The following IGSF1 variants were observed in gnomAD, a reference collection of about 807,000 sequenced individuals.
IGSF1 encodes immunoglobulin superfamily member 1, also known as immunoglobulin-like domain-containing protein 1.
IGSF1 carries 40 observed loss-of-function variants against 95.3 expected under a neutral mutation model. The ratio of observed to expected loss-of-function variants is 0.42; its 90% confidence interval spans 0.33 to 0.55. IGSF1 has a LOEUF of 0.55. IGSF1 is among the 20% of genes least tolerant of loss of function. The pLI is 0.10. For missense variants in IGSF1, 906 were observed against 1,025.4 expected (o/e 0.88, Z 1.59); for synonymous variants, 372 against 382.9 (o/e 0.97, Z 0.33).
chrX:131,275,012 C>G lies in IGSF1; in HGVS notation c.3459G>C (p.Glu1153Asp), dbSNP rs774949449. 3.3e-6 allele frequency: 4 copies of G among 1,209,942 alleles called. No individual in the cohort carries two copies. Among genetic ancestry groups the G allele is most frequent in the Non-Finnish European group, 4.5e-6 (4 of 894,943 alleles). Residue 1153 changes from glutamate (E) to aspartate (D), a missense_variant, in exon 17 of 20, where the codon GAG becomes GAC. This residue lies in a region of IGSF1 where 411 missense variants were observed against 494.9 expected (regional missense o/e 0.83). Transcript: ENST00000361420. ...FAASNHSDSL[E>D]IWVTDKPPKP... ...CCAGGACCTTACCAGTCACCCAGAT[C>G]TCCAGGGAGTCACTGTGATTTGAAG...
In IGSF1 at chrX:131,285,908, T is replaced by A; in HGVS notation, c.238A>T (p.Ile80Phe). Residue 80 changes from isoleucine to phenylalanine, a missense_variant, in exon 4 of 20, where the codon ATC (isoleucine) becomes TTC (phenylalanine). By Grantham distance (21) the Ile-to-Phe change is conservative (BLOSUM62 0). This residue lies in a region of IGSF1 where 442 missense variants were observed against 448.1 expected (regional missense o/e 0.99). Transcript: ENST00000361420. ...TGGAAGGTCTTGTGGGAAGGGCGGATCCAGGTCATCTGTGTCTTATCCTTC... is the reference window on the plus strand; with the variant it reads ...TGGAAGGTCTTGTGGGAAGGGCGGAACCAGGTCATCTGTGTCTTATCCTTC... ...LLKDKTQMTW[I>F]RPSHKTFQVS... 1.7e-6 allele frequency: 2 copies of A among 1,211,562 alleles called. No individual in the cohort carries two copies. The highest frequency in any genetic ancestry group is 2.2e-6 in the Non-Finnish European group (2 of 895,445).
chrX:131,289,184 TG>T, intron 1 of IGSF1, 29 bp downstream of exon 1: 1 of 375,394 alleles, frequency 2.7e-6, no homozygotes, highest in Non-Finnish European at 5.2e-6. Context: ...ATTCAGCCAC[TG>T]AACTATGCGC....
At position 131,282,440 on chromosome X, in the gene IGSF1, T is replaced by C; in HGVS notation, c.1246+4A>G. 1 of 1,194,504 alleles carries C rather than the reference T, an allele frequency of 8.4e-7. No individual in the cohort carries two copies. On this transcript the variant is annotated splice_donor_region_variant and intron_variant, in intron 7 of 19. Coordinates refer to ENST00000361420, the MANE Select transcript of IGSF1 (RefSeq NM_001555.5). The stretch of plus-strand genomic sequence containing the variant: ...TGATAATAAAAACAGTTGTTAACAC[T>C]TGCCTACAACCATAAGCTCCACAGT...
intron 3 of IGSF1, among the ~76,000 whole-genome samples, 192 bp downstream of exon 3, chrX:131,286,245 A>T (rs372537079): frequency 9.0e-6 from 1 of 111,229 alleles, no homozygotes; most frequent in South Asian, 3.9e-4. Flanking sequence ...GAATTGGAGA[A>T]TAAAGTCTGA....
rs140525583 is a variant in IGSF1 at position 131,287,592 on chromosome X, G to A, written c.-67-851C>T. ...TACATAAGGTCTAAATGATTCTTTC[G>A]TTGCCCTTAACTTCTAAACAGTTTT... On this transcript the variant is annotated intron_variant, in intron 1 of 19. Coordinates refer to ENST00000361420, the MANE Select transcript of IGSF1 (RefSeq NM_001555.5). Among the ~76,000 whole-genome samples the A allele has an allele frequency of 3.6e-5, 4 of 111,671 alleles. No homozygotes were observed. In the East Asian group the frequency reaches 1.1e-3, roughly 31 times the overall value.
Position 131,282,661 on chromosome X carries a change from A to G in IGSF1, c.1029T>C (p.Cys343=). Residue 343 remains cysteine, a synonymous_variant, in exon 7 of 20, where the codon TGT becomes TGC. Coordinates refer to ENST00000361420, the MANE Select transcript of IGSF1 (RefSeq NM_001555.5). ...GACCCACTCCATCCACTGGTCCTCG[A>G]CACCGTAGGCTCACATTCTGACCCA... The part of the protein sequence containing the change: ...VQMGQNVSLR[C]RGPVDGVGLA... The G allele has an allele frequency of 8.3e-7, 1 of 1,210,532 alleles. No individual in the cohort carries two copies. Among genetic ancestry groups the G allele is most frequent in the Non-Finnish European group, 1.1e-6 (1 of 894,410 alleles).
Position 131,276,923 on chromosome X carries a change from A to C in IGSF1, c.2608+16T>G. ...CAGGGTTGGCACCACCTCTACCTGGAGTCCCCCCTCCTAACCTGTCACCAC... is the reference window on the plus strand; with the variant it reads ...CAGGGTTGGCACCACCTCTACCTGGCGTCCCCCCTCCTAACCTGTCACCAC... On this transcript the variant is annotated intron_variant, in intron 14 of 19. Coordinates refer to ENST00000361420, the MANE Select transcript of IGSF1 (RefSeq NM_001555.5). 8.3e-7 allele frequency: 1 copy of C among 1,203,119 alleles called. No homozygotes were observed. Among genetic ancestry groups the C allele is most frequent in the Non-Finnish European group, 1.1e-6 (1 of 889,789 alleles).
Position 131,273,745 on chromosome X carries a change from T to A in IGSF1, c.*51A>T, listed in dbSNP as rs778787259. 8.7e-7 allele frequency: 1 copy of A among 1,151,376 alleles called. No individual in the cohort carries two copies. The highest frequency in any genetic ancestry group is 2.0e-5 in the South Asian group (1 of 50,760). The allele number at this position is 1,151,376 out of a possible 1,213,427, so 94.9% of individuals were successfully genotyped here. ...CAGGGTAACTGGTTGGATTTATAGG[T>A]CTCTGAGAGCAAGAGAGAGGAGAGG... On this transcript the variant is annotated 3_prime_UTR_variant, in exon 20 of 20. Coordinates refer to ENST00000361420, the MANE Select transcript of IGSF1 (RefSeq NM_001555.5).
rs1311184044 is a variant in IGSF1, at chrX:131,276,081, C to T, written c.2776G>A (p.Asp926Asn). The T allele has an allele frequency of 8.3e-7, 1 of 1,209,186 alleles. No individual in the cohort carries two copies. The highest frequency in any genetic ancestry group is 1.1e-6 in the Non-Finnish European group (1 of 894,780). The change falls in exon 15 of 20, where the codon GAC (aspartate) becomes AAC (asparagine). Residue 926 changes from aspartate to asparagine, a missense_variant. This residue lies in a region of IGSF1 where 411 missense variants were observed against 494.9 expected (regional missense o/e 0.83). Coordinates refer to ENST00000361420, the MANE Select transcript of IGSF1 (RefSeq NM_001555.5). ...GCTCCAACAGTGTGGAGAAGGAAGT[C>T]AGCTGAGTTCCCTGAGACACTCCGA... ...QFRSVSGNSADFLLHTVGAED... is the reference protein window; with the variant it reads ...QFRSVSGNSANFLLHTVGAED...
At position 131,278,451 on chromosome X, in the gene IGSF1, A is replaced by G. The variant is rs774672733; in HGVS notation, c.2041+10T>C. 16 of 1,176,628 alleles carry G rather than the reference A, an allele frequency of 1.4e-5. No homozygotes were observed. The highest frequency in any genetic ancestry group is 1.7e-5 in the Non-Finnish European group (15 of 875,576). On this transcript the variant is annotated intron_variant, in intron 12 of 19. Coordinates refer to ENST00000361420, the MANE Select transcript of IGSF1 (RefSeq NM_001555.5). ...GGGATAACTCCCGGAGACCCTCTAC[A>G]TTTTCTTACCTGTCCCCACCAGCTC... is the stretch of plus-strand genomic sequence containing the variant.
At chrX:131,279,938 C>T (rs779454448) in intron 9 of IGSF1, among the ~76,000 whole-genome samples, 2 of 111,998 alleles carry the variant, frequency 1.8e-5, no homozygotes, top group South Asian at 7.5e-4. Flanking sequence ...CAGATTATAA[C>T]TAGAAATGTG....
chrX:131,274,537 G>T, intron 18 of IGSF1, 62 bp downstream of exon 18: 1 of 1,114,744 alleles, frequency 9.0e-7, no homozygotes. Flanking sequence ...ATGTCTCCAT[G>T]GGGACTGTCC....
chrX:131,280,574 C>T (rs957559363), intron 9 of IGSF1, among the ~76,000 whole-genome samples: 1 of 111,940 alleles, frequency 8.9e-6, no homozygotes, highest in Non-Finnish European at 1.9e-5. Context: ...TGGCCCAGAG[C>T]ACACCACAGA....
chrX:131,289,346 G>T (rs949007990), upstream of IGSF1: 3 of 358,511 alleles, frequency 8.4e-6, no homozygotes, highest in African/African-American at 5.3e-5. Context: ...TCTCTCCCCC[G>T]CCCGCCTGCC....
rs763233730 is a variant in IGSF1, at chrX:131,285,429, C to T, written c.417G>A (p.Glu139=). ...LPKPIFWIQA[E]TPALPGCNVN... ...CATTACACCCAGGAAGAGCGGGGGT[C>T]TCAGCCTGAATCCAGAAGATGGGCT... Residue 139 remains glutamate, a synonymous_variant, in exon 5 of 20, where the codon GAG becomes GAA. Transcript: ENST00000361420. 8.3e-7 allele frequency: 1 copy of T among 1,207,066 alleles called. No homozygotes were observed. The highest frequency in any genetic ancestry group is 1.1e-6 in the Non-Finnish European group (1 of 893,488).
chrX:131,277,967 T>C lies in IGSF1; in HGVS notation c.2209A>G (p.Ile737Val). The C allele has an allele frequency of 8.3e-7, 1 of 1,211,091 alleles. No individual in the cohort carries two copies. Among genetic ancestry groups the C allele is most frequent in the Non-Finnish European group, 1.1e-6 (1 of 895,061 alleles). ...TCGTCTTTATCCTCCATTCTCTGGA[T>C]TGTAAAGAAGGCTTCTCTTCCAACA... ...GAVGREAFFT[I>V]QRMEDKDEGN... The change falls in exon 13 of 20, where the codon ATC becomes GTC. Residue 737 changes from isoleucine to valine, a missense_variant. By Grantham distance (29) the Ile-to-Val change is conservative. This residue lies in a region of IGSF1 where 411 missense variants were observed against 494.9 expected (regional missense o/e 0.83). Coordinates refer to ENST00000361420, the MANE Select transcript of IGSF1 (RefSeq NM_001555.5).
rs748263112 is a variant in IGSF1, at chrX:131,285,357, C to T, written c.489G>A (p.Leu163=). The change falls in exon 5 of 20, where the codon CTG becomes CTA. Residue 163 remains leucine (L), a synonymous_variant. Transcript: ENST00000361420. ...CAGGCTCTGCATATCCCTCTTTAAA[C>T]AGCATGAATACCAAATCCTGCAGCC... ...HGWLQDLVFM[L]FKEGYAEPVD... 6.6e-6 allele frequency: 8 copies of T among 1,210,280 alleles called. No homozygotes were observed. The highest frequency in any genetic ancestry group is 8.9e-6 in the Non-Finnish European group (8 of 895,089).
In IGSF1 at chrX:131,280,954, G is replaced by T. The variant is rs2080549822; in HGVS notation, c.1646+264C>A. On this transcript the variant is annotated intron_variant, in intron 9 of 19. Coordinates refer to ENST00000361420, the MANE Select transcript of IGSF1 (RefSeq NM_001555.5). Reference sequence around the variant, plus strand: ...CAGGATGGTTTGTGGGCGAGATTTGGGCACCCTCCGGGGGGGATGTCAGTG... The same window carrying T: ...CAGGATGGTTTGTGGGCGAGATTTGTGCACCCTCCGGGGGGGATGTCAGTG... 4 of 267,089 alleles carry T rather than the reference G, an allele frequency of 1.5e-5. No individual in the cohort carries two copies. The East Asian group carries it at 2.8e-4, about 18-fold the overall frequency. 22.0% of individuals were successfully genotyped at this position (267,089 alleles called of 1,213,427 possible). A position where few individuals can be genotyped will look rare whatever the true frequency, so the allele number is the denominator to read the frequency against.
At chrX:131,277,253 A>G (rs745912627) in intron 13 of IGSF1, 27 bp from the exon 14 acceptor site, 27 of 1,125,596 alleles carry the variant, frequency 2.4e-5, no homozygotes, top group Admixed American at 2.3e-4. Context: ...AAAAACAAAA[A>G]CAAAAAACAA....
Sources: allele counts gnomAD v4.1 joint callset (sites outside exome capture counted in the v4.1 genomes callset), GRCh38; gene constraint gnomAD v4.1.1; regional missense constraint gnomAD v4.1.1; transcripts MANE v1.5; gene names NCBI Gene and HGNC (gene_info 2026-07-23, HGNC 2026-07-21).